Variants in RARB observed in about 807,000 individuals in gnomAD.
The protein encoded by RARB is HBV-activated protein.
A neutral mutation model predicts 51.9 loss-of-function variants in RARB; 17 were observed. That is an observed-to-expected ratio of 0.33 (90% CI 0.22 to 0.49). The LOEUF (loss-of-function observed/expected upper bound fraction) is 0.49. RARB is among the 20% of genes least tolerant of loss of function. The probability of loss-of-function intolerance (pLI) is 0.99; values close to 1 mark genes in which losing one functional copy is unlikely to be tolerated. For missense variants in RARB, 369 were observed against 550.8 expected (o/e 0.67, Z 3.30); for synonymous variants, 215 against 195.4 (o/e 1.10, Z -0.84).
At chr3:25,084,984 G>A (rs1341095342) in intron 3 of RARB, among the ~76,000 whole-genome samples, 4 of 152,036 alleles carry the variant, frequency 2.6e-5, no homozygotes, top group African/African-American at 9.7e-5. Context: ...AGTCATTTAT[G>A]TGCCATTCTT....
rs185505184 is a variant in RARB, at chr3:25,151,407, G to T, written c.-280+19199G>T. Among the ~76,000 whole-genome samples, 423 of 152,246 alleles carry T rather than the reference G, an allele frequency of 2.8e-3. 4 individuals are homozygous for T. Among genetic ancestry groups the T allele is most frequent in the African/African-American group, 8.5e-3 (353 of 41,542 alleles). On this transcript the variant is annotated intron_variant, in intron 4 of 11. Coordinates refer to the RARB transcript ENST00000383772. ...AAAAGGGAAAGCTCCTTACCCCAGG[G>T]CAGGGAAAGACATTAAGTTTCACTG...
rs1169235713 is a variant in RARB at position 24,859,036 on chromosome 3, C to CA, written c.-380+305dup. The stretch of plus-strand genomic sequence containing the variant: ...TGGATGACAGAGCAAGACTCTGTCT[C>CA]AAAAAAAAAAAAAAAAAAAAAGAAA... On this transcript the variant is annotated intron_variant, in intron 2 of 11. Coordinates refer to the RARB transcript ENST00000383772. Among the ~76,000 whole-genome samples, 496 of 50,018 alleles carry CA rather than the reference C, an allele frequency of 9.9e-3. 1 individual carries two copies. The highest frequency in any genetic ancestry group is 0.018 in the African/African-American group (277 of 15,420). The allele number at this position is 50,018 out of a possible 152,430, so 32.8% of individuals were successfully genotyped here.
intron 2 of RARB, among the ~76,000 whole-genome samples, chr3:24,865,321 A>G (rs1702826192): frequency 6.6e-6 from 1 of 152,136 alleles, no homozygotes; most frequent in Non-Finnish European, 1.5e-5. Flanking sequence ...CAAGCTGAAA[A>G]AAATATACAT....
chr3:25,018,568 T>G (rs961723145), intron 2 of RARB, among the ~76,000 whole-genome samples: 2 of 152,182 alleles, frequency 1.3e-5, no homozygotes, highest in African/African-American at 2.4e-5. Context: ...AATAGGCAAC[T>G]GTTAAAAGAA....
chr3:25,238,551 A>G (rs901021588), intron 5 of RARB, among the ~76,000 whole-genome samples: 1 of 152,204 alleles, frequency 6.6e-6, no homozygotes, highest in Non-Finnish European at 1.5e-5. Flanking sequence ...ATTGTATAGT[A>G]GTTGCATTTT....
chr3:24,982,561 T>G (rs1435911753), intron 2 of RARB, among the ~76,000 whole-genome samples: 1 of 152,218 alleles, frequency 6.6e-6, no homozygotes, highest in Non-Finnish European at 1.5e-5. Context: ...TCCCTCCATC[T>G]TTGGTTTTCC....
chr3:25,208,177 C>T (rs67854203), intron 5 of RARB, among the ~76,000 whole-genome samples: 14,974 of 152,128 alleles, frequency 0.098, 984 homozygotes, highest in South Asian at 0.25. Context: ...TAGGCCTTAC[C>T]GCCAACACTG....
intron 2 of RARB, among the ~76,000 whole-genome samples, chr3:25,041,576 C>T (rs1698115544): frequency 6.7e-6 from 1 of 150,150 alleles, no homozygotes. Context: ...TTCTACAATA[C>T]ATGGATCAAA....
chr3:25,315,982 G>A (rs1340489759), intron 5 of RARB, among the ~76,000 whole-genome samples: 1 of 152,054 alleles, frequency 6.6e-6, no homozygotes, highest in African/African-American at 2.4e-5. Context: ...GTAACTACTT[G>A]CCACATTAAA....
intron 4 of RARB, among the ~76,000 whole-genome samples, chr3:25,165,974 ATTCT>A (rs1306125636): frequency 2.0e-5 from 3 of 152,040 alleles, no homozygotes; most frequent in African/African-American, 7.2e-5. Flanking sequence ...ATACAGGGAC[ATTCT>A]TTCTAAGCTT....
chr3:25,064,343 T>A (rs1698614871), intron 3 of RARB, among the ~76,000 whole-genome samples: 1 of 152,182 alleles, frequency 6.6e-6, no homozygotes, highest in Admixed American at 6.6e-5. Flanking sequence ...ATTTTATTCT[T>A]ATGCTGATTT....
At chr3:25,438,933 A>G (rs1253549586) in intron 1 of RARB, among the ~76,000 whole-genome samples, 3 of 152,168 alleles carry the variant, frequency 2.0e-5, no homozygotes, top group Admixed American at 2.0e-4. Flanking sequence ...CTATGAGGCT[A>G]TTTTACTCTT....
intron 5 of RARB, among the ~76,000 whole-genome samples, chr3:25,339,051 A>G (rs189440351): frequency 1.3e-3 from 192 of 152,330 alleles, no homozygotes; most frequent in African/African-American, 3.9e-3. Context: ...TGAAAGGTCT[A>G]TGTTCTTTAC....
chr3:25,541,158 A>C (rs1230607642), intron 3 of RARB, among the ~76,000 whole-genome samples: 3 of 152,170 alleles, frequency 2.0e-5, no homozygotes, highest in African/African-American at 4.8e-5. Flanking sequence ...TGTGACAGAG[A>C]TGGTATGACC....
chr3:25,594,343 A>C (rs1701729175), intron 6 of RARB, among the ~76,000 whole-genome samples, 177 bp from the exon 7 acceptor site: 1 of 152,028 alleles, frequency 6.6e-6, no homozygotes, highest in South Asian at 2.1e-4. Flanking sequence ...AAGGGGGGGC[A>C]GTTTTTTTTT....
intron 3 of RARB, among the ~76,000 whole-genome samples, chr3:25,534,177 A>G (rs1699041013): frequency 6.6e-6 from 1 of 152,232 alleles, no homozygotes. Flanking sequence ...GAATCAGTCC[A>G]TGTTAGCTGA....
chr3:25,314,809 G>C (rs183327759), intron 5 of RARB, among the ~76,000 whole-genome samples: 1 of 152,124 alleles, frequency 6.6e-6, no homozygotes, highest in African/African-American at 2.4e-5. Context: ...GGTGGTGAGC[G>C]TAGTACCCAG....
At chr3:25,057,660 T>A (rs1698466327) in intron 2 of RARB, among the ~76,000 whole-genome samples, 1 of 152,064 alleles carries the variant, frequency 6.6e-6, no homozygotes, top group Admixed American at 6.6e-5. Flanking sequence ...AAAGGACTTC[T>A]TTTGTTTCAG....
At chr3:25,174,770 A>G (rs558615757) in intron 5 of RARB, among the ~76,000 whole-genome samples, 1 of 152,240 alleles carries the variant, frequency 6.6e-6, no homozygotes, top group East Asian at 1.9e-4. Context: ...TTAGAATTCA[A>G]CCCGTTCAAA....
Sources: allele counts gnomAD v4.1 joint callset (sites outside exome capture counted in the v4.1 genomes callset), GRCh38; gene constraint gnomAD v4.1.1; transcripts MANE v1.5; gene names NCBI Gene and HGNC (gene_info 2026-07-23, HGNC 2026-07-21).